Variants in ARHGAP24 observed in about 807,000 individuals in gnomAD.
The protein encoded by ARHGAP24 is Rho GTPase activating protein 24.
A neutral mutation model predicts 76.4 loss-of-function variants in ARHGAP24; 50 were observed. The observed-to-expected ratio is 0.65, with a 90% CI of 0.52 to 0.83. ARHGAP24 has a LOEUF of 0.83. ARHGAP24 is among the 40% of genes least tolerant of loss of function. The probability of loss-of-function intolerance (pLI) is 0.00; values close to 1 mark genes in which losing one functional copy is unlikely to be tolerated. For synonymous variants in ARHGAP24, 345 were observed against 323.3 expected, an observed-to-expected ratio of 1.07 and a Z score of -0.72; for missense variants, 930 against 914.2, an observed-to-expected ratio of 1.02 and a Z score of -0.22.
intron 3 of ARHGAP24, chr4:85,827,838 C>A: frequency 1.8e-6 from 2 of 1,099,784 alleles, no homozygotes; most frequent in Non-Finnish European, 2.4e-6. Flanking sequence ...GGAGAAACTG[C>A]AGTGAGCAAA....
At chr4:85,529,258 A>G (rs932941441) in intron 1 of ARHGAP24, among the ~76,000 whole-genome samples, 4 of 152,058 alleles carry the variant, frequency 2.6e-5, no homozygotes, top group Non-Finnish European at 4.4e-5. Context: ...TTTGACAAGT[A>G]CATTGTGATA....
intron 3 of ARHGAP24, among the ~76,000 whole-genome samples, chr4:85,803,800 G>A (rs1728675041): frequency 6.6e-6 from 1 of 152,046 alleles, no homozygotes; most frequent in South Asian, 2.1e-4. Flanking sequence ...ATGGATCTTT[G>A]CATATTCTTA....
At chr4:85,513,051 G>A (rs1383976) in intron 1 of ARHGAP24, among the ~76,000 whole-genome samples, 101,697 of 152,162 alleles carry the variant, frequency 0.67, 35,859 homozygotes, top group East Asian at 0.9. Context: ...CTTGTGAATC[G>A]TAGGTGCTCC....
intron 1 of ARHGAP24, among the ~76,000 whole-genome samples, chr4:85,562,929 C>A (rs958656310): frequency 5.3e-5 from 8 of 152,186 alleles, no homozygotes; most frequent in Non-Finnish European, 1.2e-4. Flanking sequence ...AAAGTTGAAG[C>A]ATCTGCAGCT....
intron 3 of ARHGAP24, among the ~76,000 whole-genome samples, chr4:85,870,329 T>C (rs1732452405): frequency 6.6e-6 from 1 of 152,184 alleles, no homozygotes. Context: ...CTATATTTTC[T>C]TTCAAAGATG....
intron 3 of ARHGAP24, among the ~76,000 whole-genome samples, chr4:85,852,255 T>C (rs984073283): frequency 2.0e-5 from 3 of 152,244 alleles, no homozygotes; most frequent in Admixed American, 6.5e-5. Context: ...CTGAAGCTTC[T>C]GTGTGTGTCA....
chr4:85,810,510 T>C (rs1407437616), intron 3 of ARHGAP24, among the ~76,000 whole-genome samples: 1 of 152,208 alleles, frequency 6.6e-6, no homozygotes, highest in African/African-American at 2.4e-5. Flanking sequence ...GGCTGAGTGA[T>C]CTTGGGCAGG....
chr4:85,743,031 A>G (rs1458158110), intron 3 of ARHGAP24, among the ~76,000 whole-genome samples: 1 of 152,212 alleles, frequency 6.6e-6, no homozygotes, highest in African/African-American at 2.4e-5. Flanking sequence ...GTATTAGTGC[A>G]TTATCAGGGA....
chr4:85,591,497 G>A (rs545060724), intron 2 of ARHGAP24, among the ~76,000 whole-genome samples: 1 of 152,138 alleles, frequency 6.6e-6, no homozygotes, highest in Non-Finnish European at 1.5e-5. Flanking sequence ...AACAAGAATA[G>A]CAAAGTGTAA....
chr4:85,546,568 G>A (rs561355441), intron 1 of ARHGAP24, among the ~76,000 whole-genome samples: 1 of 152,252 alleles, frequency 6.6e-6, no homozygotes, highest in East Asian at 1.9e-4. Context: ...AGTTCATTCA[G>A]CCTCTTTATC....
At chr4:85,519,089 C>A (rs1278609929) in intron 1 of ARHGAP24, among the ~76,000 whole-genome samples, 1 of 152,100 alleles carries the variant, frequency 6.6e-6, no homozygotes, top group African/African-American at 2.4e-5. Context: ...AAATGCAAAT[C>A]AAAACCACAA....
intron 3 of ARHGAP24, among the ~76,000 whole-genome samples, chr4:85,910,072 G>A (rs1037049577): frequency 1.1e-4 from 16 of 152,214 alleles, no homozygotes; most frequent in African/African-American, 1.4e-4. Context: ...CTGCTGCAAC[G>A]GGACCTGCAG....
At chr4:85,530,081 G>A (rs17010358) in intron 1 of ARHGAP24, among the ~76,000 whole-genome samples, 18,340 of 151,710 alleles carry the variant, frequency 0.12, 3,121 homozygotes, top group African/African-American at 0.38. Context: ...TTACTTTTCA[G>A]TTCTATTACA....
At chr4:85,897,992 T>C (rs1166632599) in intron 3 of ARHGAP24, among the ~76,000 whole-genome samples, 66 of 141,210 alleles carry the variant, frequency 4.7e-4, no homozygotes, top group African/African-American at 1.4e-3. Context: ...CACACATATA[T>C]ATATATATAT....
chr4:85,765,891 T>C (rs567174060), intron 3 of ARHGAP24, among the ~76,000 whole-genome samples: 9 of 152,332 alleles, frequency 5.9e-5, no homozygotes, highest in African/African-American at 2.2e-4. Context: ...ACAATAAATT[T>C]ACACTCAATT....
chr4:85,964,087 A>G (rs1194558558), intron 5 of ARHGAP24, among the ~76,000 whole-genome samples: 1 of 152,110 alleles, frequency 6.6e-6, no homozygotes, highest in African/African-American at 2.4e-5. Context: ...CTGCCAAAGA[A>G]AGTATGGATT....
chr4:85,888,653 A>G (rs989673256), intron 3 of ARHGAP24, among the ~76,000 whole-genome samples: 2 of 151,950 alleles, frequency 1.3e-5, no homozygotes, highest in Admixed American at 1.3e-4. Flanking sequence ...TCAGGGTTAC[A>G]TGTGCAGGTT....
At chr4:85,608,032 G>A (rs1032591870) in intron 2 of ARHGAP24, among the ~76,000 whole-genome samples, 3 of 152,022 alleles carry the variant, frequency 2.0e-5, no homozygotes, top group South Asian at 2.1e-4. Context: ...GCTAAGGAGC[G>A]AATGAAAATT....
At chr4:85,645,862 AACAT>A (rs1165310179) in intron 2 of ARHGAP24, among the ~76,000 whole-genome samples, 2 of 152,100 alleles carry the variant, frequency 1.3e-5, no homozygotes, top group African/African-American at 4.8e-5. Context: ...GTGATTTCAA[AACAT>A]ACCATGAATC....
Sources: gnomAD v4.1 joint callset for allele counts (sites outside exome capture counted in the v4.1 genomes callset) on GRCh38, gnomAD v4.1.1 for gene constraint, MANE v1.5 for transcripts, NCBI Gene and HGNC (gene_info 2026-07-23, HGNC 2026-07-21) for gene names.